The following ACACA variants were observed in gnomAD, a reference collection of about 807,000 sequenced individuals.
ACACA encodes the protein acetyl-CoA carboxylase alpha.
ACACA carries 103 observed loss-of-function variants against 296.1 expected under a neutral mutation model. The ratio of observed to expected loss-of-function variants is 0.35; its 90% CI spans 0.30 to 0.41. The LOEUF is 0.41. Among genes scored for constraint, ACACA ranks in the 10% least tolerant of loss-of-function variants. The pLI is 1.00. For missense variants in ACACA, 1,554 were observed against 2,989.7 expected, an observed-to-expected ratio of 0.52 and a Z score of 11.20; for synonymous variants, 953 against 1,038.6, an observed-to-expected ratio of 0.92 and a Z score of 1.58.
chr17:37,391,221 G>C (rs1467760768), intron 1 of ACACA, among the ~76,000 whole-genome samples: 1 of 152,114 alleles, frequency 6.6e-6, no homozygotes, highest in African/African-American at 2.4e-5. Context: ...CTCGGTGACA[G>C]AGCGAGACTC....
At chr17:37,138,972 T>C (rs2075444337) in intron 45 of ACACA, among the ~76,000 whole-genome samples, 1 of 152,086 alleles carries the variant, frequency 6.6e-6, no homozygotes, top group Admixed American at 6.5e-5. Context: ...TACGGGAATT[T>C]TTTTACAACT....
intron 1 of ACACA, chr17:37,385,972 T>C (rs182607786): frequency 1.5e-6 from 2 of 1,369,998 alleles, no homozygotes; most frequent in Admixed American, 2.2e-5. Flanking sequence ...GATAAAGTTT[T>C]CCCCTAAAGT....
intron 24 of ACACA, among the ~76,000 whole-genome samples, chr17:37,236,688 G>C (rs1337632959): frequency 6.6e-6 from 1 of 152,010 alleles, no homozygotes; most frequent in Admixed American, 6.6e-5. Context: ...AGCCAGGCAT[G>C]GTGGTACACA....
At position 37,150,291 on chromosome 17, in the gene ACACA, C is replaced by T. The variant is rs553455484; in HGVS notation, c.5569-317G>A. On this transcript the variant is annotated intron_variant, in intron 44 of 55. Transcript: ENST00000616317. ...GCGAGGCAGCTCACACCTGTAATCC[C>T]GGCACTTTGGAAGGTTGAGGCTGGT... Among the ~76,000 whole-genome samples, 11 of 152,074 alleles carry T rather than the reference C, an allele frequency of 7.2e-5. No homozygotes were observed. In the South Asian group the frequency reaches 1.0e-3, roughly 14 times the overall value.
intron 42 of ACACA, among the ~76,000 whole-genome samples, chr17:37,160,967 G>A (rs1033385488): frequency 1.3e-5 from 2 of 152,122 alleles, no homozygotes; most frequent in Non-Finnish European, 2.9e-5. Flanking sequence ...AGATTATGGG[G>A]AATGAGAGGC....
chr17:37,251,529 C>T (rs2080995080), intron 16 of ACACA, among the ~76,000 whole-genome samples: 1 of 152,184 alleles, frequency 6.6e-6, no homozygotes, highest in African/African-American at 2.4e-5. Context: ...TTAGTCTCCT[C>T]AATCAGCAAT....
At chr17:37,184,781 C>T (rs1018576856) in intron 39 of ACACA, among the ~76,000 whole-genome samples, 10 of 147,620 alleles carry the variant, frequency 6.8e-5, no homozygotes, top group African/African-American at 2.3e-4. Flanking sequence ...CCAAGGAGGT[C>T]GAGGCTGTGG....
intron 3 of ACACA, among the ~76,000 whole-genome samples, chr17:37,327,359 A>T (rs1203163926): frequency 6.6e-6 from 1 of 152,192 alleles, no homozygotes; most frequent in Non-Finnish European, 1.5e-5. Flanking sequence ...GACTTAAGGA[A>T]TGGATAAACA....
chr17:37,316,206 T>C (rs776034716), intron 3 of ACACA, among the ~76,000 whole-genome samples: 1 of 151,996 alleles, frequency 6.6e-6, no homozygotes, highest in Non-Finnish European at 1.5e-5. Flanking sequence ...CCACCTTCCA[T>C]TGCAGTAATA....
chr17:37,267,680 T>G lies in ACACA; in HGVS notation c.1119+3071A>C, dbSNP rs989807195. Among the ~76,000 whole-genome samples the G allele has an allele frequency of 4.6e-5, 7 of 151,918 alleles. No homozygotes were observed. The East Asian group carries it at 1.4e-3, about 29-fold the overall frequency. On this transcript the variant is annotated intron_variant, in intron 10 of 55. Coordinates refer to ENST00000616317, the MANE Select transcript of ACACA (RefSeq NM_198834.3). The stretch of plus-strand genomic sequence containing the variant: ...GGCTCAAGGGATTCTCCCATCTCAG[T>G]CTCCAGTGCCAGTTACTGATTCTCT...
At chr17:37,256,831 C>T (rs1246954804) in intron 14 of ACACA, among the ~76,000 whole-genome samples, 2 of 151,988 alleles carry the variant, frequency 1.3e-5, no homozygotes, top group African/African-American at 2.4e-5. Context: ...TACTAATAAA[C>T]AAATGCTATT....
chr17:37,233,316 T>C (rs936283467), intron 25 of ACACA, among the ~76,000 whole-genome samples: 4 of 152,206 alleles, frequency 2.6e-5, no homozygotes, highest in East Asian at 1.9e-4. Context: ...AGAGGAAATA[T>C]GGCTCCGTGT....
chr17:37,234,840 C>T, intron 25 of ACACA, 135 bp downstream of exon 25: 2 of 1,004,848 alleles, frequency 2.0e-6, no homozygotes, highest in Admixed American at 2.3e-5. Flanking sequence ...ACTGTTAATC[C>T]ACAGCTCAAG....
intron 17 of ACACA, 100 bp downstream of exon 17, chr17:37,248,493 C>A: frequency 1.1e-6 from 1 of 891,610 alleles, no homozygotes; most frequent in Non-Finnish European, 1.9e-6. Flanking sequence ...TTCACTAATA[C>A]CCCCATCCCT....
intron 48 of ACACA, 90 bp from the exon 49 acceptor site, chr17:37,122,717 A>G: frequency 9.6e-7 from 1 of 1,038,928 alleles, no homozygotes; most frequent in Non-Finnish European, 1.5e-6. Context: ...GACATTGGGG[A>G]AAAAACTAGA....
chr17:37,179,018 C>G (rs1275966728), intron 41 of ACACA, among the ~76,000 whole-genome samples: 1 of 152,138 alleles, frequency 6.6e-6, no homozygotes, highest in Non-Finnish European at 1.5e-5. Flanking sequence ...AAACAATATT[C>G]CTTTTTATTT....
At chr17:37,346,334 T>G (rs2048617405) in intron 1 of ACACA, among the ~76,000 whole-genome samples, 2 of 122,538 alleles carry the variant, frequency 1.6e-5, no homozygotes, top group African/African-American at 3.3e-5. Context: ...AAAAAAAAAG[T>G]ATTATGGCTA....
intron 33 of ACACA, among the ~76,000 whole-genome samples, chr17:37,202,041 C>T (rs570263627): frequency 2.6e-5 from 4 of 152,128 alleles, no homozygotes; most frequent in Middle Eastern, 3.4e-3. Flanking sequence ...ATTATTTGTA[C>T]TGCCATCACA....
chr17:37,264,356 T>C (rs2081650124), intron 10 of ACACA, among the ~76,000 whole-genome samples: 1 of 152,238 alleles, frequency 6.6e-6, no homozygotes, highest in African/African-American at 2.4e-5. Context: ...GACAGAATTC[T>C]AAAATGGTAA....
Sources: gnomAD v4.1 joint callset for allele counts (sites outside exome capture counted in the v4.1 genomes callset) on GRCh38, gnomAD v4.1.1 for gene constraint, MANE v1.5 for transcripts, NCBI Gene and HGNC (gene_info 2026-07-23, HGNC 2026-07-21) for gene names.